ANTXR1: variants seen among roughly 807,000 people sequenced by gnomAD.
ANTXR1 encodes the protein ANTXR cell adhesion molecule 1, also known as anthrax toxin receptor 1.
ANTXR1 carries 19 observed loss-of-function variants against 78.1 expected under a neutral mutation model. The observed-to-expected ratio is 0.24, with a 90% CI of 0.17 to 0.36. The LOEUF (loss-of-function observed/expected upper bound fraction) is 0.36. Among genes scored for constraint, ANTXR1 ranks in the 10% least tolerant of loss-of-function variants. The pLI is 1.00. For synonymous variants in ANTXR1, 273 were observed against 260.5 expected, an observed-to-expected ratio of 1.05 and a Z score of -0.46; for missense variants, 518 against 718.6, an observed-to-expected ratio of 0.72 and a Z score of 3.19.
At chr2:69,146,305 C>A (rs1056371557) in intron 12 of ANTXR1, 20 of 985,164 alleles carry the variant, frequency 2.0e-5, no homozygotes, top group Non-Finnish European at 2.4e-5. Flanking sequence ...TCTGAGAACT[C>A]CCCCCACCAC....
At chr2:69,175,635 G>A (rs987374719) in intron 14 of ANTXR1, among the ~76,000 whole-genome samples, 6 of 152,080 alleles carry the variant, frequency 3.9e-5, no homozygotes, top group African/African-American at 1.4e-4. Flanking sequence ...TCCAAAAAAA[G>A]AAGAATGTGT....
At chr2:69,181,490 T>G (rs1478080416) in intron 14 of ANTXR1, among the ~76,000 whole-genome samples, 1 of 152,144 alleles carries the variant, frequency 6.6e-6, no homozygotes, top group Non-Finnish European at 1.5e-5. Flanking sequence ...GTCATTAGCA[T>G]GTAGGTGGGG....
At chr2:69,183,346 T>G (rs1180834559) in intron 16 of ANTXR1, among the ~76,000 whole-genome samples, 4 of 152,164 alleles carry the variant, frequency 2.6e-5, no homozygotes, top group Non-Finnish European at 5.9e-5. Context: ...TTTGGTTTAT[T>G]GGGAAGTGTA....
chr2:69,228,436 C>T (rs1558660336), intron 17 of ANTXR1, among the ~76,000 whole-genome samples: 1 of 152,168 alleles, frequency 6.6e-6, no homozygotes, highest in Admixed American at 6.5e-5. Flanking sequence ...TCTAAAAGCA[C>T]ATGTTGCTCA....
intron 17 of ANTXR1, among the ~76,000 whole-genome samples, chr2:69,223,182 C>A (rs35826222): frequency 0.32 from 48,263 of 152,068 alleles, 9,007 homozygotes; most frequent in South Asian, 0.44. Flanking sequence ...GACTTGAGAT[C>A]ACTTCAAGTG....
intron 17 of ANTXR1, among the ~76,000 whole-genome samples, chr2:69,197,713 C>G (rs1359464557): frequency 6.6e-6 from 1 of 152,244 alleles, no homozygotes; most frequent in East Asian, 1.9e-4. Context: ...GTTAGAACCT[C>G]TGTCCCAGGA....
At chr2:69,080,406 G>A (rs1256733336) in intron 8 of ANTXR1, among the ~76,000 whole-genome samples, 1 of 152,180 alleles carries the variant, frequency 6.6e-6, no homozygotes, top group Non-Finnish European at 1.5e-5. Flanking sequence ...AATAAAATAG[G>A]ACTGGGCTTA....
At chr2:69,050,446 T>G (rs1453204808) in intron 3 of ANTXR1, among the ~76,000 whole-genome samples, 3 of 143,502 alleles carry the variant, frequency 2.1e-5, no homozygotes. Flanking sequence ...ATATTTAATA[T>G]TGAGAGTATT....
At chr2:69,047,646 G>A (rs1039712468) in intron 3 of ANTXR1, among the ~76,000 whole-genome samples, 2 of 151,922 alleles carry the variant, frequency 1.3e-5, no homozygotes, top group African/African-American at 2.4e-5. Flanking sequence ...AGTTGGGGGG[G>A]GAAATTCTGG....
At chr2:69,186,128 C>T (rs1361887436) in intron 16 of ANTXR1, among the ~76,000 whole-genome samples, 1 of 152,168 alleles carries the variant, frequency 6.6e-6, no homozygotes, top group Non-Finnish European at 1.5e-5. Flanking sequence ...TGAAACCACT[C>T]CCCAGAGCAT....
Position 69,070,125 on chromosome 2 carries a change from A to G in ANTXR1, c.297-522A>G, listed in dbSNP as rs905787125. On this transcript the variant is annotated intron_variant, in intron 3 of 17. Coordinates refer to ENST00000303714, the MANE Select transcript of ANTXR1 (RefSeq NM_032208.3). ...AGAAAACACAGGCACCGGCCCACAG[A>G]AAACACTCTTGGCTGTCCTGGAAAG... 2.2e-4 allele frequency among the ~76,000 whole-genome samples: 33 copies of G among 152,182 alleles called. 1 individual carries two copies. Among genetic ancestry groups the G allele is most frequent in the African/African-American group, 7.7e-4 (32 of 41,440 alleles).
chr2:69,216,331 T>C (rs1224877059), intron 17 of ANTXR1, among the ~76,000 whole-genome samples: 2 of 152,046 alleles, frequency 1.3e-5, no homozygotes, highest in Non-Finnish European at 2.9e-5. Context: ...AGATAGGTGG[T>C]TTTAGGTGGG....
chr2:69,192,845 A>G (rs1163162845), intron 16 of ANTXR1, among the ~76,000 whole-genome samples: 5 of 152,160 alleles, frequency 3.3e-5, no homozygotes, highest in Non-Finnish European at 7.4e-5. Flanking sequence ...GAGCAAGCCT[A>G]GAAGACAGCC....
intron 12 of ANTXR1, among the ~76,000 whole-genome samples, chr2:69,142,825 G>A (rs1031541081): frequency 6.6e-6 from 1 of 152,184 alleles, no homozygotes; most frequent in African/African-American, 2.4e-5. Flanking sequence ...CAAAGTGTGA[G>A]GAGGGAGGGG....
chr2:69,193,464 TACACACA>T (rs1674593438), intron 17 of ANTXR1, 49 bp downstream of exon 17: 7 of 1,074,108 alleles, frequency 6.5e-6, no homozygotes, highest in African/African-American at 3.3e-5. Context: ...CTCTCTCACA[TACACACA>T]CACACACACA....
At chr2:69,157,048 A>G (rs1673546945) in intron 13 of ANTXR1, among the ~76,000 whole-genome samples, 1 of 151,764 alleles carries the variant, frequency 6.6e-6, no homozygotes, top group Non-Finnish European at 1.5e-5. Flanking sequence ...TCTTCCTCCC[A>G]CTGCACCCTG....
intron 17 of ANTXR1, among the ~76,000 whole-genome samples, chr2:69,200,035 A>G (rs1260792313): frequency 6.6e-6 from 1 of 152,122 alleles, no homozygotes; most frequent in African/African-American, 2.4e-5. Context: ...TCTTTTCTGG[A>G]TGGAATTCAA....
chr2:69,194,862 A>G (rs116309925), intron 17 of ANTXR1, among the ~76,000 whole-genome samples: 3,131 of 150,890 alleles, frequency 0.021, 112 homozygotes, highest in African/African-American at 0.072. Flanking sequence ...AAAAATAAAA[A>G]TTTTTTGTTA....
intron 1 of ANTXR1, among the ~76,000 whole-genome samples, chr2:69,021,567 G>A (rs1032174672): frequency 6.6e-6 from 1 of 152,158 alleles, no homozygotes; most frequent in South Asian, 2.1e-4. Flanking sequence ...GCTAGATGAT[G>A]TCTTGCTGGC....
Sources: allele counts gnomAD v4.1 joint callset (sites outside exome capture counted in the v4.1 genomes callset), GRCh38; gene constraint gnomAD v4.1.1; transcripts MANE v1.5; gene names NCBI Gene and HGNC (gene_info 2026-07-23, HGNC 2026-07-21).